The following JCAD variants were observed in gnomAD, a reference collection of about 807,000 sequenced individuals.
JCAD encodes junctional cadherin 5 associated, also known as junctional cadherin 5-associated protein.
A neutral mutation model predicts 98.0 loss-of-function variants in JCAD; 40 were observed. The ratio of observed to expected loss-of-function variants is 0.41; its 90% CI spans 0.32 to 0.53. JCAD has a LOEUF of 0.53. JCAD is among the 20% of genes least tolerant of loss of function. The pLI is 0.31. For missense variants in JCAD, 1,705 were observed against 1,738.1 expected (o/e 0.98, Z 0.34); for synonymous variants, 691 against 682.3 (o/e 1.01, Z -0.20).
chr10:30,020,300 T>A (rs1159776374), intron 3 of JCAD, among the ~76,000 whole-genome samples: 7 of 142,368 alleles, frequency 4.9e-5, no homozygotes, highest in Non-Finnish European at 9.0e-5. Context: ...GCACTCCAGC[T>A]TGGGCAACAG....
Position 30,026,232 on chromosome 10 carries a change from C to T in JCAD, c.3916G>A (p.Gly1306Ser). The T allele has an allele frequency of 6.2e-7, 1 of 1,614,076 alleles. No homozygotes were observed. Among genetic ancestry groups the T allele is most frequent in the South Asian group, 1.1e-5 (1 of 91,088 alleles). ...AATCTCTGGGCACGGTCCCCACTGC[C>T]AGGAGACACAAGGCCTCCCGGGAGC... Reference protein sequence around the residue: ...AGLPGGLVSPGSGDRAQRLGH... With the variant: ...AGLPGGLVSPSSGDRAQRLGH... Residue 1306 changes from glycine (G) to serine (S), a missense_variant, in exon 3 of 4, where the codon GGC (glycine) becomes AGC (serine). Transcript: ENST00000375377.
rs1464958739 is a variant in JCAD at position 30,014,052 on chromosome 10, T to C, written c.*3831A>G. ...CTGGAGGCCATTCTTCCTTTAATGT[T>C]ATTTTATCATCTCCCCCTTCTTAGT... On this transcript the variant is annotated 3_prime_UTR_variant, in exon 4 of 4. Coordinates refer to ENST00000375377, the MANE Select transcript of JCAD (RefSeq NM_020848.4). The C allele has an allele frequency of 6.6e-6, 1 of 152,220 alleles. No individual in the cohort carries two copies. The highest frequency in any genetic ancestry group is 2.4e-5 in the African/African-American group (1 of 41,442). The allele number at this position is 152,220 out of a possible 1,614,324, so 9.4% of individuals were successfully genotyped here.
chr10:30,101,112 T>C (rs1388565709), intron 1 of JCAD, among the ~76,000 whole-genome samples: 8 of 152,184 alleles, frequency 5.3e-5, no homozygotes, highest in Non-Finnish European at 1.2e-4. Flanking sequence ...CTTATCAGAT[T>C]TAAAGAGTCT....
In JCAD at chr10:30,029,120, G is replaced by A. The variant is rs773935496; in HGVS notation, c.1028C>T (p.Pro343Leu). Residue 343 changes from proline (P) to leucine (L), a missense_variant, in exon 3 of 4, where the codon CCG becomes CTG. This residue lies in a region of JCAD where 275 missense variants were observed against 346.9 expected (regional missense o/e 0.79). Coordinates refer to ENST00000375377, the MANE Select transcript of JCAD (RefSeq NM_020848.4). ...CTGCGGGGGCGATCTGTATGAGGGC[G>A]GAGGCACGTACACTGGAGGTTCCAA... The part of the protein sequence containing the change: ...PGLEPPVYVP[P>L]PSYRSPPQNI... 19 of 1,614,174 alleles carry A rather than the reference G, an allele frequency of 1.2e-5. No homozygotes were observed. Among genetic ancestry groups the A allele is most frequent in the Non-Finnish European group, 1.6e-5 (19 of 1,180,036 alleles).
intron 1 of JCAD, among the ~76,000 whole-genome samples, chr10:30,051,307 CAA>C (rs1564455201): frequency 4.0e-5 from 6 of 151,450 alleles, no homozygotes; most frequent in Admixed American, 2.0e-4. Context: ...CACACACACA[CAA>C]GAGTTGATGC....
At position 30,056,101 on chromosome 10, in the gene JCAD, A is replaced by G. The variant is rs143693300; in HGVS notation, c.-60+3381T>C. Among the ~76,000 whole-genome samples, 127 of 152,294 alleles carry G rather than the reference A, an allele frequency of 8.3e-4. 3 individuals carry two copies. The highest frequency in any genetic ancestry group is 1.5e-3 in the Admixed American group (23 of 15,294). On this transcript the variant is annotated intron_variant, in intron 1 of 3. Coordinates refer to ENST00000375377, the MANE Select transcript of JCAD (RefSeq NM_020848.4). ...TAAGAAAGGACTCAAACTGGATAAG[A>G]TTTTTAAATCTTTTGGAATTTTTGG...
intron 1 of JCAD, among the ~76,000 whole-genome samples, chr10:30,092,098 T>TTAAA (rs11268260): frequency 0.048 from 2,120 of 44,540 alleles, 157 homozygotes; most frequent in Admixed American, 0.053. Context: ...TAAAGTTACT[T>TTAAA]TATATATATA....
chr10:30,070,433 C>T (rs140537785), intron 1 of JCAD, among the ~76,000 whole-genome samples: 233 of 152,304 alleles, frequency 1.5e-3, no homozygotes, highest in African/African-American at 5.4e-3. Context: ...TGGGTACCCA[C>T]GGCAACTTCC....
chr10:30,098,672 T>C (rs575685938), intron 1 of JCAD, among the ~76,000 whole-genome samples: 1 of 152,318 alleles, frequency 6.6e-6, no homozygotes, highest in East Asian at 1.9e-4. Flanking sequence ...TGTCCTCCAA[T>C]CCCTAACACT....
chr10:30,027,446 C>A lies in JCAD; in HGVS notation c.2702G>T (p.Ser901Ile). The stretch of plus-strand genomic sequence containing the variant: ...ACCTCTTCCCGACCTACACACAGGG[C>A]TCTCCGGCACCCACATCCTCGGCTG... ...EPQPRMWVPE[S>I]PVCRSGRGES... is the part of the protein sequence containing the mutation. Residue 901 changes from serine (S) to isoleucine (I), a missense_variant, in exon 3 of 4, where the codon AGC becomes ATC. Physicochemically the swap from Ser to Ile is moderately radical, Grantham distance 142. Around this residue, in one of 3 missense-constraint regions of JCAD, gnomAD observed 1,278 missense variants for 1,243.1 expected, o/e 1.03. Coordinates refer to ENST00000375377, the MANE Select transcript of JCAD (RefSeq NM_020848.4). The A allele has an allele frequency of 2.5e-6, 4 of 1,604,684 alleles. No individual in the cohort carries two copies. Among genetic ancestry groups the A allele is most frequent in the South Asian group, 1.1e-5 (1 of 91,084 alleles).
At chr10:30,021,864 G>A (rs773590030) in intron 3 of JCAD, among the ~76,000 whole-genome samples, 1 of 152,198 alleles carries the variant, frequency 6.6e-6, no homozygotes, top group Admixed American at 6.5e-5. Flanking sequence ...CTGCCCTGGT[G>A]GGTATTTCAC....
intron 1 of JCAD, among the ~76,000 whole-genome samples, chr10:30,090,110 T>G (rs1252215450): frequency 1.3e-5 from 2 of 152,198 alleles, no homozygotes; most frequent in Admixed American, 6.5e-5. Context: ...CTCAGCAATA[T>G]GATAAATGGT....
chr10:30,115,026 G>A (rs566215275), intron 1 of JCAD, among the ~76,000 whole-genome samples: 3 of 152,296 alleles, frequency 2.0e-5, no homozygotes, highest in East Asian at 3.9e-4. Context: ...AGCTGGTCAC[G>A]TGACCAACCT....
At chr10:30,050,671 GGA>G (rs1837449938) in intron 1 of JCAD, among the ~76,000 whole-genome samples, 3 of 152,148 alleles carry the variant, frequency 2.0e-5, no homozygotes, top group Admixed American at 6.5e-5. Context: ...TCCTGGGGCT[GGA>G]TAGGTTGGTC....
At chr10:30,108,985 G>C (rs1838639213) in intron 1 of JCAD, among the ~76,000 whole-genome samples, 1 of 152,084 alleles carries the variant, frequency 6.6e-6, no homozygotes, top group Non-Finnish European at 1.5e-5. Context: ...GGAGTCCTTG[G>C]CCCAACTTGC....
rs1836463786 is a variant in JCAD, at chr10:30,013,319, A to AT, written c.*4563_*4564insA. The AT allele has an allele frequency of 1.4e-5, 1 of 72,050 alleles. No homozygotes were observed. Among genetic ancestry groups the AT allele is most frequent in the African/African-American group, 4.2e-5 (1 of 23,590 alleles). The allele number at this position is 72,050 out of a possible 1,614,324, so 4.5% of individuals were successfully genotyped here. On this transcript the variant is annotated 3_prime_UTR_variant, in exon 4 of 4. Coordinates refer to ENST00000375377, the MANE Select transcript of JCAD (RefSeq NM_020848.4). ...AGCAAGACCCTGTTTCAAGGGGGGGAAAAAAAGTTTCTTTGGAGTTGCAAG... is the reference window on the plus strand; with the variant it reads ...AGCAAGACCCTGTTTCAAGGGGGGGATAAAAAAGTTTCTTTGGAGTTGCAAG...
chr10:30,023,745 C>A (rs1836718355), intron 3 of JCAD, among the ~76,000 whole-genome samples: 1 of 151,384 alleles, frequency 6.6e-6, no homozygotes. Context: ...AAAAAAAAAA[C>A]CCAAAAACGT....
chr10:30,037,321 G>A (rs1343505289), intron 2 of JCAD, among the ~76,000 whole-genome samples: 1 of 152,180 alleles, frequency 6.6e-6, no homozygotes, highest in African/African-American at 2.4e-5. Flanking sequence ...TTTTGGAAAG[G>A]GGAAATCTGG....
At position 30,027,194 on chromosome 10, in the gene JCAD, G is replaced by A; in HGVS notation, c.2954C>T (p.Ala985Val). ...TGGATAGGACGCGGGCAGTGGTTTT[G>A]CGTCACTTGATCTTGAAGACATTCT... ...VTRMSSRSSD[A>V]KPLPASYPAE... The change falls in exon 3 of 4, where the codon GCA becomes GTA. Residue 985 changes from alanine to valine, a missense_variant. Transcript: ENST00000375377. 1 of 1,614,180 alleles carries A rather than the reference G, an allele frequency of 6.2e-7. No homozygotes were observed.
Sources: gnomAD v4.1 joint callset for allele counts (sites outside exome capture counted in the v4.1 genomes callset) on GRCh38, gnomAD v4.1.1 for gene constraint, gnomAD v4.1.1 regional missense constraint, MANE v1.5 for transcripts, NCBI Gene and HGNC (gene_info 2026-07-23, HGNC 2026-07-21) for gene names.